The following BAZ2B variants were observed in gnomAD, a reference collection of about 807,000 sequenced individuals.
BAZ2B encodes bromodomain adjacent to zinc finger domain 2B.
In BAZ2B, 91 loss-of-function variants were observed where a neutral mutation model predicts 246.0. The observed-to-expected ratio is 0.37, with a 90% CI of 0.31 to 0.44. BAZ2B has a LOEUF of 0.44. Among genes scored for constraint, BAZ2B ranks in the 20% least tolerant of loss-of-function variants. The probability of loss-of-function intolerance (pLI) is 1.00; values close to 1 mark genes in which losing one functional copy is unlikely to be tolerated. For missense variants in BAZ2B, 2,332 were observed against 2,533.7 expected, an observed-to-expected ratio of 0.92 and a Z score of 1.71; for synonymous variants, 855 against 860.0, an observed-to-expected ratio of 0.99 and a Z score of 0.10.
intron 9 of BAZ2B, 64 bp from the exon 10 acceptor site, chr2:159,431,220 A>T: frequency 6.6e-7 from 1 of 1,520,494 alleles, no homozygotes. Context: ...TGCAGTTTGT[A>T]TCTAAATGGA....
intron 2 of BAZ2B, among the ~76,000 whole-genome samples, chr2:159,484,371 T>C (rs1357723969): frequency 1.1e-4 from 17 of 152,200 alleles, no homozygotes; most frequent in Admixed American, 1.1e-3. Context: ...TCAGCATCCT[T>C]CTAAGAGTCT....
intron 27 of BAZ2B, among the ~76,000 whole-genome samples, chr2:159,354,682 T>C (rs1342393062): frequency 6.6e-6 from 1 of 152,212 alleles, no homozygotes; most frequent in African/African-American, 2.4e-5. Context: ...TGAAAATATA[T>C]ATGGGATATT....
intron 1 of BAZ2B, among the ~76,000 whole-genome samples, chr2:159,591,305 T>C (rs1194564965): frequency 6.6e-6 from 1 of 152,188 alleles, no homozygotes; most frequent in Non-Finnish European, 1.5e-5. Context: ...ATCAACAGGC[T>C]TCCATTACAC....
At chr2:159,641,750 G>GTATATGATTTTGTATAT in the BAZ2B span, among the ~76,000 whole-genome samples, 2 of 152,060 alleles carry the variant, frequency 1.3e-5, no homozygotes, top group African/African-American at 2.4e-5. Context: ...TGTAAGGAGG[G>GTATATGATTTTGTATAT]GGTCCAGTTT....
intron 13 of BAZ2B, among the ~76,000 whole-genome samples, chr2:159,427,202 C>A (rs1193854445): frequency 6.6e-6 from 1 of 152,022 alleles, no homozygotes; most frequent in African/African-American, 2.4e-5. Flanking sequence ...TAACTGGGAC[C>A]CCTTTCAATG....
chr2:159,351,090 TA>T (rs1284581943), intron 27 of BAZ2B, among the ~76,000 whole-genome samples: 1 of 152,054 alleles, frequency 6.6e-6, no homozygotes. Context: ...CCAAAAATAT[TA>T]AAAGTACAAA....
intron 1 of BAZ2B, among the ~76,000 whole-genome samples, chr2:159,614,566 AG>A (rs1296870689): frequency 6.6e-6 from 1 of 152,122 alleles, no homozygotes; most frequent in African/African-American, 2.4e-5. Flanking sequence ...CATAAGGGAG[AG>A]TGGAGCAAAT....
In BAZ2B at chr2:159,398,853, T is replaced by A; in HGVS notation, c.2940A>T (p.Leu980Phe). The A allele has an allele frequency of 6.2e-7, 1 of 1,611,238 alleles. No individual in the cohort carries two copies. Among genetic ancestry groups the A allele is most frequent in the Non-Finnish European group, 8.5e-7 (1 of 1,179,612 alleles). Residue 980 changes from leucine (L) to phenylalanine (F), a missense_variant, in exon 18 of 37, where the codon TTA (leucine) becomes TTT (phenylalanine). Physicochemically the swap from Leu to Phe is conservative, Grantham distance 22. Transcript: ENST00000392783. ...KKKEEAANAK[L>F]LEAEKRIKEK... Reference sequence around the variant, plus strand: ...CCTTTATTCGTTTCTCGGCCTCCAATAATTTGGCATTTGCCGCTTCTTCCT... The same window carrying A: ...CCTTTATTCGTTTCTCGGCCTCCAAAAATTTGGCATTTGCCGCTTCTTCCT...
chr2:159,360,945 T>C (rs1001521781), intron 27 of BAZ2B, among the ~76,000 whole-genome samples: 1 of 152,092 alleles, frequency 6.6e-6, no homozygotes, highest in African/African-American at 2.4e-5. Context: ...TATACGAAAA[T>C]TAACTCAAGA....
intron 13 of BAZ2B, among the ~76,000 whole-genome samples, chr2:159,415,128 G>C (rs2067457475): frequency 6.6e-6 from 1 of 152,000 alleles, no homozygotes; most frequent in South Asian, 2.1e-4. Context: ...AAGCCTCCTA[G>C]TGGAGGCACA....
intron 31 of BAZ2B, among the ~76,000 whole-genome samples, chr2:159,346,507 C>A (rs150865912): frequency 2.6e-5 from 4 of 152,134 alleles, no homozygotes; most frequent in Non-Finnish European, 4.4e-5. Flanking sequence ...GAGTTTGAGA[C>A]CAGCCTGGCC....
At position 159,370,378 on chromosome 2, in the gene BAZ2B, C is replaced by CTTTT. The variant is rs55760591; in HGVS notation, c.4213+2663_4213+2666dup. Among the ~76,000 whole-genome samples, 282 of 92,244 alleles carry CTTTT rather than the reference C, an allele frequency of 3.1e-3. 7 individuals carry two copies. Among genetic ancestry groups the CTTTT allele is most frequent in the African/African-American group, 7.7e-3 (193 of 25,092 alleles). The allele number at this position is 92,244 out of a possible 152,430, so 60.5% of individuals were successfully genotyped here. A position where few individuals can be genotyped will look rare whatever the true frequency, so the allele number is the denominator to read the frequency against. The stretch of plus-strand genomic sequence containing the variant: ...TTAAGTCTCCTAGGCACTGTACTAC[C>CTTTT]TTTTTTTTTTTTTTTTTTTTTTGAG... On this transcript the variant is annotated intron_variant, in intron 27 of 36. Coordinates refer to ENST00000392783, the MANE Select transcript of BAZ2B (RefSeq NM_013450.4).
intron 1 of BAZ2B, among the ~76,000 whole-genome samples, chr2:159,594,046 T>G (rs1031161537): frequency 6.6e-6 from 1 of 152,202 alleles, no homozygotes; most frequent in Non-Finnish European, 1.5e-5. Flanking sequence ...CTTTCAATTC[T>G]CTTTGAACTA....
chr2:159,453,837 TA>T, intron 3 of BAZ2B, 36 bp from the exon 4 acceptor site: 1 of 1,486,280 alleles, frequency 6.7e-7, no homozygotes, highest in Non-Finnish European at 9.0e-7. Context: ...AGTTGTACTA[TA>T]AAAAACAGAT....
chr2:159,420,170 GGCTTTC>G (rs2068479535), intron 13 of BAZ2B, among the ~76,000 whole-genome samples: 1 of 151,948 alleles, frequency 6.6e-6, no homozygotes, highest in Non-Finnish European at 1.5e-5. Context: ...TTCAAATTCA[GGCTTTC>G]AACTTCATTT....
the BAZ2B span, among the ~76,000 whole-genome samples, chr2:159,692,862 T>C: frequency 2.0e-5 from 3 of 152,202 alleles, no homozygotes; most frequent in South Asian, 4.1e-4. Flanking sequence ...CACAGCTCAG[T>C]AGTACTATCG....
At chr2:159,448,196 T>C (rs765322028) in intron 5 of BAZ2B, 46 bp downstream of exon 5, 1 of 1,567,824 alleles carries the variant, frequency 6.4e-7, no homozygotes, top group South Asian at 1.2e-5. Flanking sequence ...GAAAATAATA[T>C]TAGAATGGAA....
chr2:159,366,126 G>A (rs1211154149), intron 27 of BAZ2B, among the ~76,000 whole-genome samples: 2 of 152,134 alleles, frequency 1.3e-5, no homozygotes, highest in African/African-American at 4.8e-5. Flanking sequence ...GTCATGCTGT[G>A]TAAAACTCTA....
In BAZ2B at chr2:159,319,860, TA is replaced by T. The variant is rs1156386131; in HGVS notation, c.*404del. 1 of 153,000 alleles carries T rather than the reference TA, an allele frequency of 6.5e-6. No homozygotes were observed. The highest frequency in any genetic ancestry group is 6.5e-5 in the Admixed American group (1 of 15,282). 9.5% of individuals were successfully genotyped at this position (153,000 alleles called of 1,614,324 possible). On this transcript the variant is annotated 3_prime_UTR_variant, in exon 37 of 37. Coordinates refer to ENST00000392783, the MANE Select transcript of BAZ2B (RefSeq NM_013450.4). This position sits in a 1 kb window ranked among gnomAD's most constrained non-coding sequence, Gnocchi z 4.0. ...AATTCATAAAATTAAATACATTCAC[TA>T]AAAAATAAACTACAAAGTAAAAAAA...
Sources: gnomAD v4.1 joint callset for allele counts (sites outside exome capture counted in the v4.1 genomes callset) on GRCh38, gnomAD v4.1.1 for gene constraint, Gnocchi (gnomAD v3.1) non-coding constraint, MANE v1.5 for transcripts, NCBI Gene and HGNC (gene_info 2026-07-23, HGNC 2026-07-21) for gene names.